HSPA14: variants seen among roughly 807,000 people sequenced by gnomAD.
HSPA14 encodes the protein heat shock protein family A (Hsp70) member 14, also known as heat shock 70 kDa protein 14.
In HSPA14, 37 loss-of-function variants were observed where a neutral mutation model predicts 65.5. The observed-to-expected ratio is 0.56, with a 90% CI of 0.43 to 0.74. HSPA14 has a LOEUF of 0.74. Ranked by LOEUF, HSPA14 falls within the 30% of genes least tolerant of loss-of-function variation. HSPA14 has a pLI of 0.00. For missense variants in HSPA14, 564 were observed against 607.6 expected (o/e 0.93, Z 0.75); for synonymous variants, 203 against 214.2 (o/e 0.95, Z 0.46).
intron 12 of HSPA14, among the ~76,000 whole-genome samples, chr10:14,869,177 T>A (rs1465133589): frequency 6.6e-6 from 1 of 152,082 alleles, no homozygotes. Flanking sequence ...AATGCCTAGC[T>A]TTTTTGAGAA....
At position 14,852,386 on chromosome 10, in the gene HSPA14, A is replaced by T; in HGVS notation, c.589A>T (p.Lys197Ter). 2 of 1,613,126 alleles carry T rather than the reference A, an allele frequency of 1.2e-6. No individual in the cohort carries two copies. The highest frequency in any genetic ancestry group is 1.7e-6 in the Non-Finnish European group (2 of 1,179,594). Residue 197 changes from lysine to a stop codon, truncating the protein, a stop_gained, in exon 8 of 14, where the codon AAG (lysine) becomes TAG (stop). Transcript: ENST00000378372. LOFTEE classifies it high-confidence loss of function. ...CTCTTGAAGCAATATTTTGGTGTTT[A>T]AGCTTGGAGGAACATCCTTATCTCT... ...PTGKSNILVF[K>*]LGGTSLSLSV...
chr10:14,858,862 G>C (rs1832728702), intron 10 of HSPA14, among the ~76,000 whole-genome samples: 1 of 152,228 alleles, frequency 6.6e-6, no homozygotes, highest in East Asian at 1.9e-4. Context: ...TTGTCCTGCA[G>C]TCATGAGGCT....
intron 1 of HSPA14, among the ~76,000 whole-genome samples, chr10:14,839,164 G>T (rs547154374): frequency 1.1e-4 from 16 of 152,234 alleles, no homozygotes; most frequent in Non-Finnish European, 2.1e-4. Flanking sequence ...TCTCTCATCA[G>T]TGGGGAGGCA....
intron 4 of HSPA14, 49 bp downstream of exon 4, chr10:14,848,706 AG>A: frequency 6.8e-7 from 1 of 1,481,400 alleles, no homozygotes; most frequent in Non-Finnish European, 9.4e-7. Context: ...GTAATTACCA[AG>A]GTGATAACAT....
chr10:14,857,426 G>A (rs146363645), intron 10 of HSPA14, among the ~76,000 whole-genome samples: 3 of 152,180 alleles, frequency 2.0e-5, no homozygotes, highest in African/African-American at 7.2e-5. Context: ...TAGCCTTGTC[G>A]ACACTGAGTT....
At position 14,854,105 on chromosome 10, in the gene HSPA14, A is replaced by G; in HGVS notation, c.735-20A>G. On this transcript the variant is annotated intron_variant, in intron 8 of 13. Coordinates refer to ENST00000378372, the MANE Select transcript of HSPA14 (RefSeq NM_016299.4). ...ATGGCCCAGTAATTTTAAACCCCAA[A>G]GGCTATGTTTTTAATTTAGATCCTT... The G allele has an allele frequency of 6.4e-7, 1 of 1,574,628 alleles. No individual in the cohort carries two copies. The highest frequency in any genetic ancestry group is 8.6e-7 in the Non-Finnish European group (1 of 1,163,186).
rs759678912 is a variant in HSPA14 at position 14,867,187 on chromosome 10, G to A, written c.1098G>A (p.Val366=). 27 of 1,613,264 alleles carry A rather than the reference G, an allele frequency of 1.7e-5. No homozygotes were observed. Among genetic ancestry groups the A allele is most frequent in the Non-Finnish European group, 2.1e-5 (25 of 1,179,368 alleles). The change falls in exon 11 of 14, where the codon GTG becomes GTA. Residue 366 remains valine, a synonymous_variant. Coordinates refer to ENST00000378372, the MANE Select transcript of HSPA14 (RefSeq NM_016299.4). Reference sequence around the variant, plus strand: ...TCAATTCTATCCCTCCTGATGAAGTGATCCCTATTGGTGCAGCTATAGAAG... The same window carrying A: ...TCAATTCTATCCCTCCTGATGAAGTAATCCCTATTGGTGCAGCTATAGAAG... The part of the protein sequence containing the change: ...ELLNSIPPDE[V]IPIGAAIEAG...
chr10:14,842,780 A>C lies in HSPA14; in HGVS notation c.221+2623A>C. Reference sequence around the variant, plus strand: ...GGCATCAGATGAGGATTGTCAGCTAAGAATCAGTGACCGGATACGAGAAAC... The same window carrying C: ...GGCATCAGATGAGGATTGTCAGCTACGAATCAGTGACCGGATACGAGAAAC... On this transcript the variant is annotated intron_variant, in intron 3 of 13. Transcript: ENST00000378372. This position sits in a 1 kb window ranked among gnomAD's most constrained non-coding sequence, Gnocchi z 5.2. The C allele has an allele frequency of 6.5e-7, 1 of 1,536,538 alleles. No homozygotes were observed. Among genetic ancestry groups the C allele is most frequent in the Non-Finnish European group, 8.7e-7 (1 of 1,146,990 alleles).
chr10:14,846,358 T>C (rs1588809042), intron 3 of HSPA14: 1 of 985,382 alleles, frequency 1.0e-6, no homozygotes. Context: ...AAAGGAGTGC[T>C]GAAGAAGAGC....
intron 13 of HSPA14, among the ~76,000 whole-genome samples, chr10:14,870,955 A>G (rs1357425843): frequency 2.0e-5 from 3 of 152,208 alleles, no homozygotes; most frequent in Non-Finnish European, 4.4e-5. Context: ...AATTTCTAGT[A>G]TAATTTTCTA....
At chr10:14,864,583 T>C (rs562518438) in intron 10 of HSPA14, among the ~76,000 whole-genome samples, 121 of 152,256 alleles carry the variant, frequency 7.9e-4, no homozygotes, top group Non-Finnish European at 1.3e-3. Flanking sequence ...CATGCGGTGT[T>C]TGGTTTTTTG....
Position 14,848,827 on chromosome 10 carries a change from A to G in HSPA14, c.308A>G (p.Asp103Gly), listed in dbSNP as rs758140227. The G allele has an allele frequency of 1.3e-6, 2 of 1,592,292 alleles. No homozygotes were observed. Among genetic ancestry groups the G allele is most frequent in the Admixed American group, 1.7e-5 (1 of 59,342 alleles). Residue 103 changes from aspartate to glycine, a missense_variant, in exon 5 of 14, where the codon GAT becomes GGT. Coordinates refer to ENST00000378372, the MANE Select transcript of HSPA14 (RefSeq NM_016299.4). The part of the protein sequence containing the change: ...EKNGKLRYEI[D>G]TGEETKFVNP... ...AATGGGAAATTACGATATGAAATAG[A>G]TACTGGAGAAGAAACAAAATTTGTT...
chr10:14,848,823 A>C lies in HSPA14; in HGVS notation c.304A>C (p.Ile102Leu), dbSNP rs201058008. Residue 102 changes from isoleucine to leucine, a missense_variant, in exon 5 of 14, where the codon ATA becomes CTA. Physicochemically the swap from Ile to Leu is conservative, Grantham distance 5. Coordinates refer to ENST00000378372, the MANE Select transcript of HSPA14 (RefSeq NM_016299.4). ...IEKNGKLRYE[I>L]DTGEETKFVN... ...AAAAAATGGGAAATTACGATATGAAATAGATACTGGAGAAGAAACAAAATT... is the reference window on the plus strand; with the variant it reads ...AAAAAATGGGAAATTACGATATGAACTAGATACTGGAGAAGAAACAAAATT... 8 of 1,590,130 alleles carry C rather than the reference A, an allele frequency of 5.0e-6. No homozygotes were observed. In the African/African-American group the frequency reaches 6.7e-5, roughly 13 times the overall value.
At chr10:14,850,046 G>A (rs889625764) in intron 6 of HSPA14, among the ~76,000 whole-genome samples, 1 of 152,104 alleles carries the variant, frequency 6.6e-6, no homozygotes, top group African/African-American at 2.4e-5. Context: ...GGGGGCGGCG[G>A]GTGGACCACC....
chr10:14,865,006 T>C (rs914536816), intron 10 of HSPA14, among the ~76,000 whole-genome samples: 12 of 152,318 alleles, frequency 7.9e-5, no homozygotes, highest in African/African-American at 1.4e-4. Flanking sequence ...TTTTTAATGA[T>C]CGCCATTCTA....
At chr10:14,866,499 T>C (rs550019830) in intron 10 of HSPA14, among the ~76,000 whole-genome samples, 32 of 152,322 alleles carry the variant, frequency 2.1e-4, no homozygotes, top group African/African-American at 7.5e-4. Context: ...AATGAGCAAC[T>C]TAAGGGATTT....
chr10:14,851,142 T>G, intron 6 of HSPA14, 77 bp from the exon 7 acceptor site: 1 of 805,706 alleles, frequency 1.2e-6, no homozygotes, highest in Non-Finnish European at 2.1e-6. Flanking sequence ...TTGTATAAAA[T>G]CTTTAGCAGA....
chr10:14,850,704 T>C (rs1225590814), intron 6 of HSPA14: 3 of 152,270 alleles, frequency 2.0e-5, no homozygotes, highest in Non-Finnish European at 4.4e-5. Context: ...TAGGCATTTT[T>C]TTCATTCAAT....
At position 14,855,885 on chromosome 10, in the gene HSPA14, T is replaced by C; in HGVS notation, c.935T>C (p.Ile312Thr). The change falls in exon 10 of 14, where the codon ATA becomes ACA. Residue 312 changes from isoleucine to threonine, a missense_variant. By Grantham distance (89) the Ile-to-Thr change is moderately conservative (BLOSUM62 -1). Coordinates refer to ENST00000378372, the MANE Select transcript of HSPA14 (RefSeq NM_016299.4). ...LLCSPLFNKC[I>T]EAIRGLLDQN... is the part of the protein sequence containing the mutation. ...TGTTCTCCACTTTTTAATAAGTGTA[T>C]AGAAGCAATCAGAGGACTCTTAGAT... 6.2e-7 allele frequency: 1 copy of C among 1,609,384 alleles called. No homozygotes were observed.
Sources: gnomAD v4.1 joint callset for allele counts (sites outside exome capture counted in the v4.1 genomes callset) on GRCh38, gnomAD v4.1.1 for gene constraint, Gnocchi (gnomAD v3.1) non-coding constraint, MANE v1.5 for transcripts, NCBI Gene and HGNC (gene_info 2026-07-23, HGNC 2026-07-21) for gene names.